NRG2: variants seen among roughly 807,000 people sequenced by gnomAD.
NRG2 encodes the protein neuregulin 2.
A neutral mutation model predicts 73.9 loss-of-function variants in NRG2; 27 were observed. The ratio of observed to expected loss-of-function variants is 0.37; its 90% CI spans 0.27 to 0.50. The LOEUF is 0.50. Among genes scored for constraint, NRG2 ranks in the 20% least tolerant of loss-of-function variants. The pLI is 0.96. For synonymous variants in NRG2, 532 were observed against 541.0 expected, an observed-to-expected ratio of 0.98 and a Z score of 0.23; for missense variants, 1,126 against 1,210.1, an observed-to-expected ratio of 0.93 and a Z score of 1.03.
intron 1 of NRG2, among the ~76,000 whole-genome samples, chr5:139,939,031 G>GAAGGAAGGAAGGAAGGGA: frequency 2.7e-5 from 4 of 150,878 alleles, no homozygotes; most frequent in African/African-American, 9.7e-5. Flanking sequence ...AGCAAGGAAA[G>GAAGGAAGGAAGGAAGGGA]AAGGAAGGAA....
chr5:140,009,827 C>T (rs543708905), intron 1 of NRG2, among the ~76,000 whole-genome samples: 1 of 152,288 alleles, frequency 6.6e-6, no homozygotes, highest in South Asian at 2.1e-4. Flanking sequence ...AACTTAAATG[C>T]ATATTACTAA....
At chr5:140,019,193 C>A (rs1760023445) in intron 1 of NRG2, among the ~76,000 whole-genome samples, 1 of 152,200 alleles carries the variant, frequency 6.6e-6, no homozygotes, top group African/African-American at 2.4e-5. Context: ...CCGGTTATTT[C>A]TAGGGCACCA....
chr5:139,865,483 A>G lies in NRG2; in HGVS notation c.1189+66T>C, dbSNP rs142244216. On this transcript the variant is annotated intron_variant, in intron 5 of 9. Transcript: ENST00000361474. This position sits in a 1 kb window ranked among gnomAD's most constrained non-coding sequence, Gnocchi z 5.2. ...CAACACCCCTGGCCCTATGCCCTAC[A>G]TTGGGGGGACTGCACCCAGAAGCTT... is the stretch of plus-strand genomic sequence containing the variant. The G allele has an allele frequency of 1.4e-3, 1,752 of 1,250,698 alleles. 4 individuals are homozygous for G. The highest frequency in any genetic ancestry group is 1.3e-3 in the Non-Finnish European group (1,123 of 858,932). 77.5% of individuals were successfully genotyped at this position (1,250,698 alleles called of 1,614,324 possible).
chr5:139,847,996 T>C lies in NRG2; in HGVS notation c.2474A>G (p.Asp825Gly). Residue 825 changes from aspartate to glycine, a missense_variant, in exon 10 of 10, where the codon GAC becomes GGC. Transcript: ENST00000361474. ...AADSRTYYSL[D>G]SHSTRASSRH... is the part of the protein sequence containing the mutation. ...GCTGCTGGCCCGCGTGCTGTGGCTGTCCAGTGAGTAGTAAGTCCTGCTGTC... is the reference window on the plus strand; with the variant it reads ...GCTGCTGGCCCGCGTGCTGTGGCTGCCCAGTGAGTAGTAAGTCCTGCTGTC... The C allele has an allele frequency of 6.6e-7, 1 of 1,514,860 alleles. No homozygotes were observed. Among genetic ancestry groups the C allele is most frequent in the Non-Finnish European group, 8.8e-7 (1 of 1,135,870 alleles). The allele number at this position is 1,514,860 out of a possible 1,614,324, so 93.8% of individuals were successfully genotyped here.
intron 1 of NRG2, among the ~76,000 whole-genome samples, chr5:139,936,568 A>T (rs1752867335): frequency 1.3e-5 from 2 of 152,308 alleles, no homozygotes; most frequent in Admixed American, 6.5e-5. Flanking sequence ...GAATTCTACT[A>T]AATATATTTA....
At chr5:140,019,303 G>A (rs540492601) in intron 1 of NRG2, among the ~76,000 whole-genome samples, 1 of 152,194 alleles carries the variant, frequency 6.6e-6, no homozygotes, top group Non-Finnish European at 1.5e-5. Flanking sequence ...GGGGGCCTTG[G>A]TCACTCCATA....
chr5:139,928,768 T>C (rs1752252287), intron 1 of NRG2, among the ~76,000 whole-genome samples: 1 of 152,208 alleles, frequency 6.6e-6, no homozygotes, highest in African/African-American at 2.4e-5. Flanking sequence ...CCTCTGGCTC[T>C]TGACTTTCTG....
intron 1 of NRG2, among the ~76,000 whole-genome samples, chr5:139,934,135 G>T (rs1379141056): frequency 6.6e-6 from 1 of 152,178 alleles, no homozygotes; most frequent in Non-Finnish European, 1.5e-5. Flanking sequence ...GGAGGTTCAG[G>T]CTGCAGTGAG....
intron 3 of NRG2, among the ~76,000 whole-genome samples, chr5:139,876,925 CTGTGTGTGTGTG>C (rs3082489): frequency 2.1e-5 from 3 of 141,900 alleles, no homozygotes; most frequent in Non-Finnish European, 4.6e-5. Context: ...GAATGTGCAT[CTGTGTGTGTGTG>C]TGTGTGTGTG....
At chr5:139,976,278 T>G (rs915731070) in intron 1 of NRG2, among the ~76,000 whole-genome samples, 23 of 152,328 alleles carry the variant, frequency 1.5e-4, no homozygotes, top group African/African-American at 5.1e-4. Flanking sequence ...CTTGTGCTCC[T>G]CAAAGAATGG....
At chr5:140,028,404 T>C (rs900529543) in intron 1 of NRG2, among the ~76,000 whole-genome samples, 1 of 152,198 alleles carries the variant, frequency 6.6e-6, no homozygotes, top group Non-Finnish European at 1.5e-5. Context: ...CAGGCATCTG[T>C]AGTAGTTATC....
At chr5:139,968,540 G>A (rs1046724377) in intron 1 of NRG2, among the ~76,000 whole-genome samples, 3 of 152,224 alleles carry the variant, frequency 2.0e-5, no homozygotes, top group African/African-American at 7.2e-5. Context: ...CAGAGAGACA[G>A]CAGCACCTTC....
intron 1 of NRG2, among the ~76,000 whole-genome samples, chr5:139,973,471 C>T (rs1561720523): frequency 6.6e-6 from 1 of 152,128 alleles, no homozygotes. Flanking sequence ...AGGTGATCCT[C>T]CCACCTCAGC....
At position 139,894,460 on chromosome 5, in the gene NRG2, A is replaced by G. The variant is rs1199295628; in HGVS notation, c.701-6949T>C. ...ACTCCAAGTTCAAATGAGAAAGAAA[A>G]AAAAAAAACCCACTAAGCTAAAAAC... On this transcript the variant is annotated intron_variant, in intron 1 of 9. Coordinates refer to ENST00000361474, the MANE Select transcript of NRG2 (RefSeq NM_004883.3). This position sits in a 1 kb window ranked among gnomAD's most constrained non-coding sequence, Gnocchi z 5.0. Among the ~76,000 whole-genome samples the G allele has an allele frequency of 6.6e-6, 1 of 151,880 alleles. No homozygotes were observed. Among genetic ancestry groups the G allele is most frequent in the Non-Finnish European group, 1.5e-5 (1 of 67,910 alleles).
At chr5:139,900,498 T>C (rs1386117945) in intron 1 of NRG2, among the ~76,000 whole-genome samples, 1 of 152,252 alleles carries the variant, frequency 6.6e-6, no homozygotes, top group African/African-American at 2.4e-5. Flanking sequence ...GGTGTGCTAC[T>C]GGCTCAGAAA....
At chr5:139,964,514 C>T (rs1190401742) in intron 1 of NRG2, among the ~76,000 whole-genome samples, 1 of 152,210 alleles carries the variant, frequency 6.6e-6, no homozygotes, top group Non-Finnish European at 1.5e-5. Context: ...TAATCATGAG[C>T]ACATGCACCC....
intron 1 of NRG2, among the ~76,000 whole-genome samples, chr5:139,922,395 C>A (rs1043615879): frequency 2.0e-5 from 3 of 152,116 alleles, no homozygotes; most frequent in Admixed American, 6.6e-5. Context: ...AAAACAACAA[C>A]AAGATACCAT....
intron 1 of NRG2, among the ~76,000 whole-genome samples, chr5:140,020,705 ATCG>A (rs1467079256): frequency 6.6e-6 from 1 of 152,238 alleles, no homozygotes; most frequent in Non-Finnish European, 1.5e-5. Context: ...TTTTAGCAAG[ATCG>A]TCTCCTAGCA....
At chr5:139,893,254 T>A (rs912679833) in intron 1 of NRG2, among the ~76,000 whole-genome samples, 1 of 152,228 alleles carries the variant, frequency 6.6e-6, no homozygotes, top group Non-Finnish European at 1.5e-5. Context: ...ATTGTTCAGA[T>A]GAGCATATTA....
Sources: gnomAD v4.1 joint callset for allele counts (sites outside exome capture counted in the v4.1 genomes callset) on GRCh38, gnomAD v4.1.1 for gene constraint, Gnocchi (gnomAD v3.1) non-coding constraint, MANE v1.5 for transcripts, NCBI Gene and HGNC (gene_info 2026-07-23, HGNC 2026-07-21) for gene names.